Variants in PTPN21 observed in about 807,000 individuals in gnomAD.
PTPN21 encodes the protein protein tyrosine phosphatase non-receptor type 21.
A neutral mutation model predicts 131.8 loss-of-function variants in PTPN21; 77 were observed. The observed-to-expected ratio is 0.58, with a 90% confidence interval of 0.49 to 0.71. The LOEUF (loss-of-function observed/expected upper bound fraction) is 0.71, where lower values mean the gene tolerates loss of function less well. PTPN21 is among the 30% of genes least tolerant of loss of function. The pLI, the probability that PTPN21 is intolerant of heterozygous loss-of-function variation, is 0.00. For missense variants in PTPN21, 1,552 were observed against 1,527.1 expected, an observed-to-expected ratio of 1.02 and a Z score of -0.27; for synonymous variants, 715 against 621.3, an observed-to-expected ratio of 1.15 and a Z score of -2.24.
intron 2 of PTPN21, among the ~76,000 whole-genome samples, chr14:88,523,161 G>A (rs1351509968): frequency 1.3e-5 from 2 of 151,900 alleles, no homozygotes; most frequent in Non-Finnish European, 2.9e-5. Context: ...ACTATAGACC[G>A]ACATCCCTTG....
chr14:88,518,191 A>G (rs2078309929), intron 2 of PTPN21, among the ~76,000 whole-genome samples: 2 of 114,028 alleles, frequency 1.8e-5, no homozygotes, highest in African/African-American at 6.9e-5. Flanking sequence ...TCTGGGCAAC[A>G]GAGTGAGCCT....
chr14:88,496,613 CTA>C, intron 9 of PTPN21, 121 bp from the exon 10 acceptor site: 1 of 729,534 alleles, frequency 1.4e-6, no homozygotes, highest in Non-Finnish European at 2.4e-6. Flanking sequence ...TTTCAGAACA[CTA>C]TAAGCCTTTC....
intron 4 of PTPN21, among the ~76,000 whole-genome samples, chr14:88,507,302 A>G (rs1379839776): frequency 6.6e-6 from 1 of 152,198 alleles, no homozygotes; most frequent in Non-Finnish European, 1.5e-5. Context: ...GTATATAGTC[A>G]TGTGTCAAGG....
chr14:88,477,848 C>T (rs2077571665), intron 13 of PTPN21, among the ~76,000 whole-genome samples: 1 of 152,108 alleles, frequency 6.6e-6, no homozygotes, highest in Admixed American at 6.6e-5. Context: ...ATGACAAGGC[C>T]GCAGATGCTT....
At position 88,479,573 on chromosome 14, in the gene PTPN21, C is replaced by A; in HGVS notation, c.1858G>T (p.Val620Phe). 1 of 1,596,330 alleles carries A rather than the reference C, an allele frequency of 6.3e-7. No individual in the cohort carries two copies. Reference protein sequence around the residue: ...SLPVAHSLQEVSEPLTAARHA... With the variant: ...SLPVAHSLQEFSEPLTAARHA... ...CGCGCGGCGGTGAGGGGCTCGCTGA[C>A]CTCCTGCAGCGAGTGCGCCACGGGC... The change falls in exon 13 of 19, where the codon GTC (valine) becomes TTC (phenylalanine). Residue 620 changes from valine to phenylalanine, a missense_variant. Val to Phe is a conservative substitution (Grantham distance 50). Transcript: ENST00000556564.
chr14:88,508,031 T>A lies in PTPN21; in HGVS notation c.351-11A>T. 6.8e-7 allele frequency: 1 copy of A among 1,474,272 alleles called. No homozygotes were observed. The highest frequency in any genetic ancestry group is 9.4e-7 in the Non-Finnish European group (1 of 1,062,922). 91.3% of individuals were successfully genotyped at this position (1,474,272 alleles called of 1,614,324 possible). A position where few individuals can be genotyped will look rare whatever the true frequency, so the allele number is the denominator to read the frequency against. ...AGATAATACTGATACCTATAAAAAA[T>A]GTCAGTTGTATAAGGTCAATGTCAA... On this transcript the variant is annotated splice_polypyrimidine_tract_variant and intron_variant, in intron 3 of 18. Coordinates refer to ENST00000556564, the MANE Select transcript of PTPN21 (RefSeq NM_007039.4).
At chr14:88,528,893 G>A (rs2078517454) in intron 2 of PTPN21, among the ~76,000 whole-genome samples, 1 of 152,126 alleles carries the variant, frequency 6.6e-6, no homozygotes, top group South Asian at 2.1e-4. Flanking sequence ...GAGTCTTAGG[G>A]GTTTTCTAGG....
chr14:88,512,509 C>T (rs966238887), intron 3 of PTPN21: 1 of 152,102 alleles, frequency 6.6e-6, no homozygotes, highest in Non-Finnish European at 1.5e-5. Context: ...TGTAGAATTT[C>T]CTGCCTTCTG....
chr14:88,550,193 C>T lies in PTPN21; in HGVS notation c.180+45G>A, dbSNP rs376091175. 4.3e-5 allele frequency: 68 copies of T among 1,577,692 alleles called. No homozygotes were observed. The African/African-American group carries it at 8.0e-4, about 18-fold the overall frequency. ...CCTCTCAAAGTGCTGGGATTACAGG[C>T]TTGAGCCACCCGCGCCTGGCCTGCA... On this transcript the variant is annotated intron_variant, in intron 2 of 18. Coordinates refer to ENST00000556564, the MANE Select transcript of PTPN21 (RefSeq NM_007039.4).
chr14:88,526,408 G>A (rs1266396358), intron 2 of PTPN21, among the ~76,000 whole-genome samples: 2 of 151,786 alleles, frequency 1.3e-5, no homozygotes, highest in African/African-American at 4.8e-5. Flanking sequence ...AACTTAGCTA[G>A]GCATGGTGGT....
intron 2 of PTPN21, among the ~76,000 whole-genome samples, chr14:88,537,123 T>C (rs910112963): frequency 2.6e-5 from 4 of 152,320 alleles, no homozygotes; most frequent in Non-Finnish European, 5.9e-5. Context: ...TATACTCTAT[T>C]ACAACTAAAT....
At chr14:88,542,312 T>C (rs1388469242) in intron 2 of PTPN21, among the ~76,000 whole-genome samples, 1 of 152,202 alleles carries the variant, frequency 6.6e-6, no homozygotes, top group Non-Finnish European at 1.5e-5. Context: ...TGGAATCTGA[T>C]TCTATACACC....
intron 5 of PTPN21, among the ~76,000 whole-genome samples, chr14:88,504,912 T>C (rs995893546): frequency 6.6e-6 from 1 of 152,252 alleles, no homozygotes; most frequent in Non-Finnish European, 1.5e-5. Context: ...TAGAAGGCAG[T>C]GTCTTTGTCA....
At chr14:88,504,351 T>A in intron 6 of PTPN21, 74 bp downstream of exon 6, 1 of 1,166,232 alleles carries the variant, frequency 8.6e-7, no homozygotes, top group Admixed American at 1.9e-5. Context: ...GTAAATTAAA[T>A]ATTTAATTGA....
chr14:88,522,799 C>A (rs2078415886), intron 2 of PTPN21, among the ~76,000 whole-genome samples: 1 of 152,096 alleles, frequency 6.6e-6, no homozygotes, highest in Admixed American at 6.6e-5. Flanking sequence ...CTTAGAATTT[C>A]TACACATACA....
chr14:88,518,222 ACCTC>A (rs1566839437), intron 2 of PTPN21, among the ~76,000 whole-genome samples: 1 of 44,860 alleles, frequency 2.2e-5, no homozygotes, highest in Non-Finnish European at 4.1e-5. Flanking sequence ...GTGAGAATCT[ACCTC>A]AAAAAAAAAA....
intron 2 of PTPN21, among the ~76,000 whole-genome samples, chr14:88,518,714 A>G (rs896191637): frequency 6.6e-6 from 1 of 151,586 alleles, no homozygotes; most frequent in Non-Finnish European, 1.5e-5. Context: ...TATAGGCATG[A>G]GCCACCGCAC....
intron 1 of PTPN21, chr14:88,552,491 A>C (rs999084137): frequency 1.3e-5 from 2 of 152,242 alleles, no homozygotes; most frequent in Non-Finnish European, 2.9e-5. Context: ...ATCTCTAATA[A>C]GGACCCAACC....
chr14:88,495,117 C>G (rs1274822299), intron 10 of PTPN21, among the ~76,000 whole-genome samples: 1 of 149,886 alleles, frequency 6.7e-6, no homozygotes, highest in Admixed American at 6.7e-5. Context: ...AAGCTACAGG[C>G]AGCGAAGGCA....
Sources: gnomAD v4.1 joint callset for allele counts (sites outside exome capture counted in the v4.1 genomes callset) on GRCh38, gnomAD v4.1.1 for gene constraint, MANE v1.5 for transcripts, NCBI Gene and HGNC (gene_info 2026-07-23, HGNC 2026-07-21) for gene names.